RPS6KB1: variants seen among roughly 807,000 people sequenced by gnomAD.
RPS6KB1 encodes the protein ribosomal protein S6 kinase B1, also known as ribosomal protein S6 kinase beta-1.
Under a neutral mutation model 70.2 loss-of-function variants are expected in RPS6KB1, and 12 were observed. The observed-to-expected ratio is 0.17, with a 90% CI of 0.11 to 0.28. RPS6KB1 has a LOEUF of 0.28. Among genes scored for constraint, RPS6KB1 ranks in the 10% least tolerant of loss-of-function variants. RPS6KB1 has a pLI of 1.00. For missense variants in RPS6KB1, 270 were observed against 646.6 expected, an observed-to-expected ratio of 0.42 and a Z score of 6.32; for synonymous variants, 175 against 211.2, an observed-to-expected ratio of 0.83 and a Z score of 1.49.
At chr17:59,910,232 T>C (rs185578386) in intron 1 of RPS6KB1, among the ~76,000 whole-genome samples, 2 of 151,470 alleles carry the variant, frequency 1.3e-5, no homozygotes, top group East Asian at 1.9e-4. Flanking sequence ...TAGTCCCAGC[T>C]ACTTGGAACG....
intron 7 of RPS6KB1, among the ~76,000 whole-genome samples, chr17:59,932,663 C>T (rs1300002199): frequency 6.6e-6 from 1 of 151,502 alleles, no homozygotes; most frequent in Non-Finnish European, 1.5e-5. Flanking sequence ...GTGATCCTTC[C>T]ACCCCGGCCC....
rs1177019026 is a variant in RPS6KB1 at position 59,921,893 on chromosome 17, T to G, written c.382-4542T>G. 2.6e-5 allele frequency among the ~76,000 whole-genome samples: 4 copies of G among 152,186 alleles called. No individual in the cohort carries two copies. In the East Asian group the frequency reaches 7.7e-4, roughly 29 times the overall value. On this transcript the variant is annotated intron_variant, in intron 4 of 14. Transcript: ENST00000225577. ...CTTTCTCACTTTTGACTTACTTGAT[T>G]CCTACAATGCCTGTTTTTTGGCCCT...
At chr17:59,912,632 A>G (rs547447868) in intron 2 of RPS6KB1, 52 bp from the exon 3 acceptor site, 123 of 1,586,264 alleles carry the variant, frequency 7.8e-5, no homozygotes, top group Non-Finnish European at 1.0e-4. Context: ...CTATATGCTG[A>G]AAGTAATTTA....
chr17:59,930,257 G>C, intron 6 of RPS6KB1, 83 bp downstream of exon 6: 1 of 841,674 alleles, frequency 1.2e-6, no homozygotes, highest in Non-Finnish European at 2.1e-6. Context: ...ACATGATTCA[G>C]TAAATTGAGC....
intron 2 of RPS6KB1, among the ~76,000 whole-genome samples, chr17:59,911,507 CG>C (rs1568416358): frequency 6.7e-6 from 1 of 149,544 alleles, no homozygotes; most frequent in African/African-American, 2.5e-5. Context: ...ACTACAGGAG[CG>C]CACCACCACA....
At chr17:59,923,489 A>G (rs1198789917) in intron 4 of RPS6KB1, among the ~76,000 whole-genome samples, 1 of 151,754 alleles carries the variant, frequency 6.6e-6, no homozygotes, top group East Asian at 1.9e-4. Flanking sequence ...TTCTAGTCCA[A>G]TTCCATAGCG....
At chr17:59,929,991 G>A in intron 5 of RPS6KB1, 126 bp from the exon 6 acceptor site, 1 of 618,490 alleles carries the variant, frequency 1.6e-6, no homozygotes, top group Admixed American at 3.1e-5. Context: ...TTTAGGATCT[G>A]TTTTTCATTT....
At chr17:59,924,072 AC>A (rs200140006) in intron 4 of RPS6KB1, among the ~76,000 whole-genome samples, 19,091 of 152,074 alleles carry the variant, frequency 0.13, 1,316 homozygotes, top group Admixed American at 0.15. Flanking sequence ...AGTGGCTCAC[AC>A]CTGTAATCCC....
At chr17:59,942,246 A>G (rs1368170350) in intron 13 of RPS6KB1, among the ~76,000 whole-genome samples, 1 of 152,240 alleles carries the variant, frequency 6.6e-6, no homozygotes, top group Non-Finnish European at 1.5e-5. Flanking sequence ...TGCCAGGCCA[A>G]GTAGGGGATT....
chr17:59,950,379 T>G lies in RPS6KB1; in HGVS notation c.*3591T>G, dbSNP rs2045145805. ...GTTGACTGTATTATTTGATTTCGGA[T>G]TGAATGAATGTAAATAGAAATTAAA... On this transcript the variant is annotated 3_prime_UTR_variant, in exon 15 of 15. Coordinates refer to ENST00000225577, the MANE Select transcript of RPS6KB1 (RefSeq NM_003161.4). 2 of 152,606 alleles carry G rather than the reference T, an allele frequency of 1.3e-5. No individual in the cohort carries two copies. The allele number at this position is 152,606 out of a possible 1,614,324, so 9.5% of individuals were successfully genotyped here. A position where few individuals can be genotyped will look rare whatever the true frequency, so the allele number is the denominator to read the frequency against.
chr17:59,898,753 G>A (rs532477087), intron 1 of RPS6KB1, among the ~76,000 whole-genome samples: 1 of 151,378 alleles, frequency 6.6e-6, no homozygotes, highest in Non-Finnish European at 1.5e-5. Flanking sequence ...CACCGTGCCC[G>A]GCCAGCAGCA....
chr17:59,898,166 T>C (rs967991741), intron 1 of RPS6KB1, among the ~76,000 whole-genome samples: 2 of 152,120 alleles, frequency 1.3e-5, no homozygotes, highest in African/African-American at 4.8e-5. Context: ...TGTTGGAATC[T>C]TCTCTGCTCT....
At chr17:59,916,846 A>G (rs997909472) in intron 4 of RPS6KB1, among the ~76,000 whole-genome samples, 1 of 152,176 alleles carries the variant, frequency 6.6e-6, no homozygotes, top group Non-Finnish European at 1.5e-5. Flanking sequence ...AGATACATTT[A>G]TAATAAAAAT....
At chr17:59,933,202 CTT>C (rs879488247) in intron 7 of RPS6KB1, among the ~76,000 whole-genome samples, 16 of 141,628 alleles carry the variant, frequency 1.1e-4, no homozygotes, top group Admixed American at 1.4e-4. Flanking sequence ...CTCCACCCAC[CTT>C]TTTTTTTTTT....
Position 59,893,335 on chromosome 17 carries a change from G to C in RPS6KB1, c.141+10G>C. ...TGAGCTGGAGGAGGGGGTGAGGCCC[G>C]GGGTCCCCGGGGGCCCGAGGTGACA... is the stretch of plus-strand genomic sequence containing the variant. On this transcript the variant is annotated intron_variant, in intron 1 of 14. Transcript: ENST00000225577. The surrounding 1 kb of genome is among the most constrained non-coding windows in gnomAD (Gnocchi z 4.1). The C allele has an allele frequency of 6.3e-7, 1 of 1,591,884 alleles. No individual in the cohort carries two copies. The highest frequency in any genetic ancestry group is 1.1e-5 in the South Asian group (1 of 88,404).
intron 5 of RPS6KB1, among the ~76,000 whole-genome samples, chr17:59,929,869 T>TA: frequency 6.6e-6 from 1 of 152,330 alleles, no homozygotes; most frequent in South Asian, 2.1e-4. Context: ...TTTGTAGATA[T>TA]AAAACCTGGA....
chr17:59,920,014 C>G (rs118068040), intron 4 of RPS6KB1, among the ~76,000 whole-genome samples: 3,608 of 152,140 alleles, frequency 0.024, 69 homozygotes, highest in Non-Finnish European at 0.031. Flanking sequence ...TTCCACATGT[C>G]TTCTAGTTTT....
rs757736552 is a variant in RPS6KB1, at chr17:59,893,341, C to T, written c.141+16C>T. ...GGAGGAGGGGGTGAGGCCCGGGGTC[C>T]CCGGGGGCCCGAGGTGACAGGGCCG... On this transcript the variant is annotated intron_variant, in intron 1 of 14. Coordinates refer to ENST00000225577, the MANE Select transcript of RPS6KB1 (RefSeq NM_003161.4). This position sits in a 1 kb window ranked among gnomAD's most constrained non-coding sequence, Gnocchi z 4.1. 3.1e-6 allele frequency: 5 copies of T among 1,588,592 alleles called. No individual in the cohort carries two copies. The highest frequency in any genetic ancestry group is 1.7e-4 in the Middle Eastern group (1 of 5,876).
chr17:59,927,803 G>T (rs190583726), intron 5 of RPS6KB1, among the ~76,000 whole-genome samples: 1 of 151,180 alleles, frequency 6.6e-6, no homozygotes, highest in Non-Finnish European at 1.5e-5. Flanking sequence ...CACTGTGCCC[G>T]CCCGGAAAAA....
Sources: allele counts gnomAD v4.1 joint callset (sites outside exome capture counted in the v4.1 genomes callset), GRCh38; gene constraint gnomAD v4.1.1; non-coding constraint Gnocchi (gnomAD v3.1); transcripts MANE v1.5; gene names NCBI Gene and HGNC (gene_info 2026-07-23, HGNC 2026-07-21).